The following SNX29 variants were observed in gnomAD, a reference collection of about 807,000 sequenced individuals.
SNX29 encodes the protein sorting nexin-29.
In SNX29, 78 loss-of-function variants were observed where a neutral mutation model predicts 102.1. The ratio of observed to expected loss-of-function variants is 0.76; its 90% CI spans 0.64 to 0.92. The LOEUF (loss-of-function observed/expected upper bound fraction) is 0.92, where lower values mean the gene tolerates loss of function less well. Among genes scored for constraint, SNX29 ranks in the 40% least tolerant of loss-of-function variants. The pLI is 0.00. For synonymous variants in SNX29, 580 were observed against 414.5 expected, an observed-to-expected ratio of 1.40 and a Z score of -4.85; for missense variants, 1,280 against 1,061.7, an observed-to-expected ratio of 1.21 and a Z score of -2.86.
chr16:12,078,790 T>G lies in SNX29; in HGVS notation c.1320-43T>G, dbSNP rs956784415. The G allele has an allele frequency of 3.3e-6, 5 of 1,537,406 alleles. No homozygotes were observed. The Admixed American group carries it at 9.6e-5, about 30-fold the overall frequency. On this transcript the variant is annotated intron_variant, in intron 10 of 20. Transcript: ENST00000566228. ...TTTTGGAATGGTGAGGGTGTGTACT[T>G]TCAGTGGCCGAGTGTAACTTCCTCC...
chr16:12,092,530 G>T (rs2052599951), intron 11 of SNX29, among the ~76,000 whole-genome samples: 1 of 152,178 alleles, frequency 6.6e-6, no homozygotes. Context: ...GCAGCTGGTT[G>T]TAGTGGAATG....
intron 18 of SNX29, among the ~76,000 whole-genome samples, chr16:12,406,180 G>A (rs567042248): frequency 6.6e-6 from 1 of 152,316 alleles, no homozygotes; most frequent in Admixed American, 6.5e-5. Flanking sequence ...AAAGGAAAAA[G>A]CGGAAAGCAT....
chr16:12,454,279 A>G (rs553273243), intron 18 of SNX29, among the ~76,000 whole-genome samples: 1 of 152,322 alleles, frequency 6.6e-6, no homozygotes, highest in African/African-American at 2.4e-5. Flanking sequence ...AGAAAGATGG[A>G]CGGCCTCAGT....
chr16:12,490,245 G>A (rs1042913316), intron 19 of SNX29, among the ~76,000 whole-genome samples: 2 of 152,182 alleles, frequency 1.3e-5, no homozygotes, highest in Non-Finnish European at 2.9e-5. Flanking sequence ...CCAGAGCCTT[G>A]TCTTGTTAAA....
At chr16:12,506,602 GAAAGA>G (rs2089391506) in intron 19 of SNX29, among the ~76,000 whole-genome samples, 1 of 152,312 alleles carries the variant, frequency 6.6e-6, no homozygotes, top group African/African-American at 2.4e-5. Context: ...TGCCCAAAAA[GAAAGA>G]AAAGAAAGAT....
chr16:12,238,342 C>T (rs1227940416), intron 14 of SNX29, among the ~76,000 whole-genome samples: 10 of 149,584 alleles, frequency 6.7e-5, no homozygotes, highest in African/African-American at 1.2e-4. Context: ...CGCTCTATCA[C>T]GTAGGCTGGA....
intron 16 of SNX29, among the ~76,000 whole-genome samples, chr16:12,376,603 G>C (rs1017538099): frequency 6.6e-6 from 1 of 151,730 alleles, no homozygotes; most frequent in African/African-American, 2.4e-5. Flanking sequence ...GGGCATGGCG[G>C]CTGGCACCTA....
intron 11 of SNX29, among the ~76,000 whole-genome samples, chr16:12,079,287 A>G (rs995352662): frequency 6.6e-6 from 1 of 152,230 alleles, no homozygotes; most frequent in African/African-American, 2.4e-5. Context: ...TCTCTCCAAG[A>G]TGATTAAACT....
intron 20 of SNX29, among the ~76,000 whole-genome samples, chr16:12,559,205 C>A (rs761726035): frequency 6.6e-6 from 1 of 152,068 alleles, no homozygotes. Flanking sequence ...GGGTGAGCAG[C>A]GCTTCGTCTG....
At chr16:12,007,548 A>C (rs1332021066) in intron 3 of SNX29, among the ~76,000 whole-genome samples, 1 of 152,134 alleles carries the variant, frequency 6.6e-6, no homozygotes, top group Admixed American at 6.6e-5. Flanking sequence ...TCAAGAGGGA[A>C]AGTCAGCGAA....
At chr16:12,241,045 G>A (rs796544940) in intron 14 of SNX29, among the ~76,000 whole-genome samples, 1 of 152,156 alleles carries the variant, frequency 6.6e-6, no homozygotes, top group Admixed American at 6.5e-5. Flanking sequence ...TAGTATGCGT[G>A]ATTGTGGGAA....
In SNX29 at chr16:12,006,006, A is replaced by G. The variant is rs190182057; in HGVS notation, c.122+2963A>G. Among the ~76,000 whole-genome samples, 5 of 152,248 alleles carry G rather than the reference A, an allele frequency of 3.3e-5. No individual in the cohort carries two copies. In the East Asian group the frequency reaches 9.6e-4, roughly 29 times the overall value. On this transcript the variant is annotated intron_variant, in intron 3 of 20. Coordinates refer to ENST00000566228, the MANE Select transcript of SNX29 (RefSeq NM_032167.5). ...TTAAAAAGTTAATTCTTTCTGTGAT[A>G]ACTGTTGTTTATGGCTAAAAGGAGT...
intron 16 of SNX29, among the ~76,000 whole-genome samples, chr16:12,394,970 A>G (rs755247624): frequency 5.9e-5 from 9 of 152,122 alleles, no homozygotes; most frequent in African/African-American, 1.2e-4. Context: ...GGTAGCTCCA[A>G]TGACAGAAGG....
chr16:12,425,496 T>A (rs922301878), intron 18 of SNX29, among the ~76,000 whole-genome samples: 1 of 146,330 alleles, frequency 6.8e-6, no homozygotes, highest in African/African-American at 2.6e-5. Context: ...TGATTCAGTT[T>A]GGTCAAGTCC....
Position 12,573,108 on chromosome 16 carries a change from C to A in SNX29, c.*4479C>A. 4.4e-6 allele frequency: 1 copy of A among 229,546 alleles called. No homozygotes were observed. Among genetic ancestry groups the A allele is most frequent in the Non-Finnish European group, 8.6e-6 (1 of 116,060 alleles). The allele number at this position is 229,546 out of a possible 1,614,324, so 14.2% of individuals were successfully genotyped here. A position where few individuals can be genotyped will look rare whatever the true frequency, so the allele number is the denominator to read the frequency against. The stretch of plus-strand genomic sequence containing the variant: ...CAAGAAAGTTCATCTTTATGTTTTT[C>A]TAATACACAATCTTGATCTTGTTTC... On this transcript the variant is annotated 3_prime_UTR_variant, in exon 21 of 21. Coordinates refer to ENST00000566228, the MANE Select transcript of SNX29 (RefSeq NM_032167.5).
chr16:12,536,475 T>C (rs553340545), intron 20 of SNX29, among the ~76,000 whole-genome samples: 2 of 152,170 alleles, frequency 1.3e-5, no homozygotes, highest in Non-Finnish European at 2.9e-5. Context: ...CCGTTTACTT[T>C]ATCAGTGATC....
chr16:12,026,784 C>T (rs576374495), intron 3 of SNX29, among the ~76,000 whole-genome samples: 1 of 152,056 alleles, frequency 6.6e-6, no homozygotes, highest in African/African-American at 2.4e-5. Flanking sequence ...CATGTAATCT[C>T]TTATATAAAG....
At chr16:12,462,987 A>G (rs2086874685) in intron 18 of SNX29, among the ~76,000 whole-genome samples, 1 of 152,158 alleles carries the variant, frequency 6.6e-6, no homozygotes, top group Non-Finnish European at 1.5e-5. Context: ...ATTAGCTCCC[A>G]TAGCAGTGAC....
chr16:12,109,441 C>G (rs1412147161), intron 11 of SNX29, among the ~76,000 whole-genome samples: 1 of 152,142 alleles, frequency 6.6e-6, no homozygotes. Context: ...GCCAAGCTCT[C>G]ATGACACAGT....
Sources: gnomAD v4.1 joint callset for allele counts (sites outside exome capture counted in the v4.1 genomes callset) on GRCh38, gnomAD v4.1.1 for gene constraint, MANE v1.5 for transcripts, NCBI Gene and HGNC (gene_info 2026-07-23, HGNC 2026-07-21) for gene names.